CLMP: variants seen among roughly 807,000 people sequenced by gnomAD.
CLMP encodes the protein CXADR like cell adhesion molecule.
CLMP carries 27 observed loss-of-function variants against 45.2 expected under a neutral mutation model. That is an observed-to-expected ratio of 0.60 (90% CI 0.44 to 0.82). The LOEUF is 0.82. Ranked by LOEUF, CLMP falls within the 40% of genes least tolerant of loss-of-function variation. The probability of loss-of-function intolerance (pLI) is 0.00; values close to 1 mark genes in which losing one functional copy is unlikely to be tolerated. For synonymous variants in CLMP, 167 were observed against 171.4 expected, an observed-to-expected ratio of 0.97 and a Z score of 0.20; for missense variants, 403 against 448.4, an observed-to-expected ratio of 0.90 and a Z score of 0.91.
In CLMP at chr11:123,135,353, C is replaced by G. The variant is rs2135512132; in HGVS notation, c.29-37401G>C. On this transcript the variant is annotated intron_variant, in intron 1 of 6. Transcript: ENST00000448775. The stretch of plus-strand genomic sequence containing the variant: ...AAAAAAAAGGTGGGGGGAGGGGACC[C>G]TGATTTATAGAGCCTGTATACCATA... Among the ~76,000 whole-genome samples, 2 of 151,674 alleles carry G rather than the reference C, an allele frequency of 1.3e-5. 1 individual carries two copies. The highest frequency in any genetic ancestry group is 4.2e-4 in the South Asian group (2 of 4,796).
At chr11:123,155,052 G>A (rs1006851979) in intron 1 of CLMP, among the ~76,000 whole-genome samples, 2 of 152,144 alleles carry the variant, frequency 1.3e-5, no homozygotes, top group Middle Eastern at 3.2e-3. Flanking sequence ...GCAGTGACAC[G>A]ATCTCAGCTC....
chr11:123,130,015 A>G (rs906782250), intron 1 of CLMP, among the ~76,000 whole-genome samples: 5 of 151,936 alleles, frequency 3.3e-5, no homozygotes, highest in African/African-American at 1.2e-4. Flanking sequence ...TCTGTTTAGC[A>G]TTCAAAACCA....
intron 1 of CLMP, among the ~76,000 whole-genome samples, chr11:123,169,550 A>T (rs1300664888): frequency 2.0e-5 from 3 of 152,182 alleles, no homozygotes; most frequent in Non-Finnish European, 4.4e-5. Context: ...TTAGATAGGG[A>T]GGTTTTTACT....
intron 1 of CLMP, among the ~76,000 whole-genome samples, chr11:123,106,416 T>TGCGCGC (rs1296310738): frequency 1.9e-5 from 2 of 107,554 alleles, no homozygotes; most frequent in African/African-American, 7.1e-5. Flanking sequence ...TGTGTGTGTG[T>TGCGCGC]GTGTGTGTGC....
intron 1 of CLMP, among the ~76,000 whole-genome samples, chr11:123,121,098 GC>G (rs1860809841): frequency 7.1e-6 from 1 of 141,036 alleles, no homozygotes; most frequent in Non-Finnish European, 1.5e-5. Context: ...CTGCACTCCA[GC>G]CTGGGCGACA....
chr11:123,118,916 G>A lies in CLMP; in HGVS notation c.29-20964C>T, dbSNP rs544144738. ...GGGGATTGTCTTCCAGGTGATCTTT[G>A]CATTTTCTTTTCTTTTCTTTCTTTC... On this transcript the variant is annotated intron_variant, in intron 1 of 6. Coordinates refer to ENST00000448775, the MANE Select transcript of CLMP (RefSeq NM_024769.5). Among the ~76,000 whole-genome samples, 23 of 136,604 alleles carry A rather than the reference G, an allele frequency of 1.7e-4. 1 individual carries two copies. The South Asian group carries it at 5.2e-3, about 31-fold the overall frequency. 89.6% of individuals were successfully genotyped at this position (136,604 alleles called of 152,430 possible). A position where few individuals can be genotyped will look rare whatever the true frequency, so the allele number is the denominator to read the frequency against.
chr11:123,187,161 G>A (rs967682964), intron 1 of CLMP, among the ~76,000 whole-genome samples: 1 of 152,196 alleles, frequency 6.6e-6, no homozygotes, highest in African/African-American at 2.4e-5. Context: ...AGGTTGGGGA[G>A]GTGAAGTAAC....
At chr11:123,119,004 TCTCTCTCTCTCTCTCTC>T (rs1860768974) in intron 1 of CLMP, among the ~76,000 whole-genome samples, 1 of 27,404 alleles carries the variant, frequency 3.6e-5, no homozygotes, top group Non-Finnish European at 6.7e-5. Context: ...TTTCTTTCTC[TCTCTCTCTCTCTCTCTC>T]TCTCTCTCTC....
chr11:123,187,941 C>A (rs1861855152), intron 1 of CLMP, among the ~76,000 whole-genome samples: 1 of 152,184 alleles, frequency 6.6e-6, no homozygotes, highest in African/African-American at 2.4e-5. Flanking sequence ...CTGTGAGGGG[C>A]ACAGGAATAT....
chr11:123,191,999 T>C (rs1353268194), intron 1 of CLMP, among the ~76,000 whole-genome samples: 1 of 152,160 alleles, frequency 6.6e-6, no homozygotes. Flanking sequence ...GGTGAAACCA[T>C]GGACAGGTGT....
chr11:123,152,707 T>A (rs1334188164), intron 1 of CLMP, among the ~76,000 whole-genome samples: 1 of 150,970 alleles, frequency 6.6e-6, no homozygotes, highest in Non-Finnish European at 1.5e-5. Context: ...GGTACTTTGT[T>A]TTGGCACCCC....
At chr11:123,176,772 A>T (rs1402030750) in intron 1 of CLMP, among the ~76,000 whole-genome samples, 1 of 152,162 alleles carries the variant, frequency 6.6e-6, no homozygotes, top group Admixed American at 6.5e-5. Flanking sequence ...TTTATATTAC[A>T]CACAGAGAAT....
chr11:123,177,399 C>T lies in CLMP; in HGVS notation c.28+17514G>A, dbSNP rs79587434. Among the ~76,000 whole-genome samples, 1,133 of 152,276 alleles carry T rather than the reference C, an allele frequency of 7.4e-3. 13 individuals are homozygous for T. Among genetic ancestry groups the T allele is most frequent in the African/African-American group, 0.026 (1,084 of 41,556 alleles). ...GGAGGCTCTGGTGGGTCACTTCATC[C>T]TTGCTGAATCAGGAACCCTCAGCTG... On this transcript the variant is annotated intron_variant, in intron 1 of 6. Coordinates refer to ENST00000448775, the MANE Select transcript of CLMP (RefSeq NM_024769.5).
chr11:123,169,389 A>G (rs1056860049), intron 1 of CLMP, among the ~76,000 whole-genome samples: 1 of 152,222 alleles, frequency 6.6e-6, no homozygotes, highest in African/African-American at 2.4e-5. Context: ...CGCAGCTGAC[A>G]TGGAAACCTG....
At position 123,083,097 on chromosome 11, in the gene CLMP, C is replaced by T. The variant is rs901336794; in HGVS notation, c.667G>A (p.Val223Ile). Residue 223 changes from valine to isoleucine, a missense_variant, in exon 5 of 7, where the codon GTA becomes ATA. By Grantham distance (29) the Val-to-Ile change is conservative. Coordinates refer to ENST00000448775, the MANE Select transcript of CLMP (RefSeq NM_024769.5). ...EAGKESCVVRVTVQYVQSIGM... is the reference protein window; with the variant it reads ...EAGKESCVVRITVQYVQSIGM... ...TTTGGATGCTTACACTGTACAGTTA[C>T]TCGCACCACACAGCTTTCCTTCCCA... 3.1e-6 allele frequency: 5 copies of T among 1,614,058 alleles called. No homozygotes were observed. In the East Asian group the frequency reaches 8.9e-5, roughly 29 times the overall value.
intron 2 of CLMP, among the ~76,000 whole-genome samples, chr11:123,091,777 T>C (rs1454354804): frequency 6.6e-6 from 1 of 152,172 alleles, no homozygotes; most frequent in Non-Finnish European, 1.5e-5. Context: ...TGTGTGATTG[T>C]TAGGGAGAAA....
chr11:123,125,132 A>C (rs1168784934), intron 1 of CLMP, among the ~76,000 whole-genome samples: 2 of 152,168 alleles, frequency 1.3e-5, no homozygotes, highest in Non-Finnish European at 2.9e-5. Context: ...TCCTGAGCTC[A>C]GGCAATCCGC....
chr11:123,185,297 T>C (rs1456407366), intron 1 of CLMP, among the ~76,000 whole-genome samples: 1 of 152,080 alleles, frequency 6.6e-6, no homozygotes, highest in Non-Finnish European at 1.5e-5. Flanking sequence ...ACATGAAAGA[T>C]GAGCTTGACG....
chr11:123,122,473 G>C (rs915542798), intron 1 of CLMP, among the ~76,000 whole-genome samples: 1 of 152,222 alleles, frequency 6.6e-6, no homozygotes, highest in African/African-American at 2.4e-5. Context: ...AGATAGGACA[G>C]TCCTCCGGGA....
Sources: gnomAD v4.1 joint callset for allele counts (sites outside exome capture counted in the v4.1 genomes callset) on GRCh38, gnomAD v4.1.1 for gene constraint, MANE v1.5 for transcripts, NCBI Gene and HGNC (gene_info 2026-07-23, HGNC 2026-07-21) for gene names.